Variants in ZYG11B observed in about 807,000 individuals in gnomAD.
ZYG11B encodes zyg-11 family member B, cell cycle regulator, also known as protein zyg-11 homolog B.
Under a neutral mutation model 82.4 loss-of-function variants are expected in ZYG11B, and 36 were observed. The ratio of observed to expected loss-of-function variants is 0.44; its 90% CI spans 0.33 to 0.58. The LOEUF is 0.58. ZYG11B is among the 20% of genes least tolerant of loss of function. The probability of loss-of-function intolerance (pLI) is 0.02; values close to 1 mark genes in which losing one functional copy is unlikely to be tolerated. For synonymous variants in ZYG11B, 303 were observed against 312.8 expected (o/e 0.97, Z 0.33); for missense variants, 552 against 895.6 (o/e 0.62, Z 4.90).
rs749636834 is a variant in ZYG11B, at chr1:52,802,155, T to C, written c.1695+16T>C. On this transcript the variant is annotated intron_variant, in intron 10 of 13. Coordinates refer to ENST00000294353, the MANE Select transcript of ZYG11B (RefSeq NM_024646.3). ...AGGACTTTTGGTAAGATATAAGCAC[T>C]TCCTGCTAAGTTCCAAGCTATATTT... 7.5e-6 allele frequency: 12 copies of C among 1,604,778 alleles called. No individual in the cohort carries two copies. Among genetic ancestry groups the C allele is most frequent in the Admixed American group, 1.7e-5 (1 of 58,380 alleles).
intron 10 of ZYG11B, among the ~76,000 whole-genome samples, chr1:52,802,768 T>C (rs1558139772): frequency 6.6e-6 from 1 of 151,920 alleles, no homozygotes; most frequent in Admixed American, 6.6e-5. Context: ...AAAATAAATG[T>C]TATTAAATTT....
At chr1:52,747,902 T>C (rs1424894021) in intron 1 of ZYG11B, among the ~76,000 whole-genome samples, 2 of 152,182 alleles carry the variant, frequency 1.3e-5, no homozygotes, top group African/African-American at 4.8e-5. Context: ...CTCAATGTCC[T>C]TATCTGTAGA....
chr1:52,803,247 C>CATATATATATAT (rs1645107370), intron 10 of ZYG11B, among the ~76,000 whole-genome samples: 2 of 54,266 alleles, frequency 3.7e-5, no homozygotes, highest in Non-Finnish European at 5.7e-5. Flanking sequence ...TATACACACA[C>CATATATATATAT]ACATATATAT....
chr1:52,763,508 C>T (rs1219820310), intron 2 of ZYG11B, among the ~76,000 whole-genome samples: 1 of 152,020 alleles, frequency 6.6e-6, no homozygotes, highest in Admixed American at 6.6e-5. Flanking sequence ...TTTGTAGAGA[C>T]AGGGTCTCAC....
At chr1:52,762,265 G>A (rs1307814082) in intron 2 of ZYG11B, among the ~76,000 whole-genome samples, 1 of 147,966 alleles carries the variant, frequency 6.8e-6, no homozygotes, top group Non-Finnish European at 1.5e-5. Flanking sequence ...CTGGAGTACA[G>A]TGGTGTGGTC....
chr1:52,776,233 T>TATAC lies in ZYG11B; in HGVS notation c.952-3617_952-3616insCATA, dbSNP rs1173092132. Among the ~76,000 whole-genome samples the TATAC allele has an allele frequency of 1.2e-4, 4 of 33,922 alleles. 1 individual carries two copies. In the East Asian group the frequency reaches 2.9e-3, roughly 25 times the overall value. The allele number at this position is 33,922 out of a possible 152,430, so 22.3% of individuals were successfully genotyped here. ...AAACTCTGTCTTAAAAAAAAAAATA[T>TATAC]ATATATATATATGCAATAAAGTTGG... On this transcript the variant is annotated intron_variant, in intron 3 of 13. Transcript: ENST00000294353.
chr1:52,780,706 C>A (rs1644848153), intron 4 of ZYG11B, among the ~76,000 whole-genome samples: 1 of 152,158 alleles, frequency 6.6e-6, no homozygotes, highest in Non-Finnish European at 1.5e-5. Context: ...CTCCTGGGCT[C>A]AAGCAATCCT....
intron 1 of ZYG11B, among the ~76,000 whole-genome samples, chr1:52,733,974 A>C (rs1432989829): frequency 6.6e-6 from 1 of 152,164 alleles, no homozygotes; most frequent in Non-Finnish European, 1.5e-5. Context: ...AAAAATATAC[A>C]AATTGAAATA....
chr1:52,772,275 C>A, intron 3 of ZYG11B: 1 of 1,329,866 alleles, frequency 7.5e-7, no homozygotes. Flanking sequence ...AATATTGAGC[C>A]AAACGGTGAA....
At chr1:52,766,835 C>T (rs940659107) in intron 2 of ZYG11B, among the ~76,000 whole-genome samples, 17 of 152,050 alleles carry the variant, frequency 1.1e-4, no homozygotes, top group African/African-American at 2.9e-4. Flanking sequence ...GGTGAAACCC[C>T]GTCTCTACTA....
At chr1:52,739,402 G>T (rs11205999) in intron 1 of ZYG11B, among the ~76,000 whole-genome samples, 18,626 of 152,036 alleles carry the variant, frequency 0.12, 2,585 homozygotes, top group East Asian at 0.35. Flanking sequence ...ATCTCTTAAA[G>T]AAAAGGTAGT....
chr1:52,783,847 T>C (rs1472962717), intron 4 of ZYG11B, among the ~76,000 whole-genome samples: 2 of 144,388 alleles, frequency 1.4e-5, no homozygotes, highest in Admixed American at 6.7e-5. Context: ...TATATGTACA[T>C]ACACGTGTGT....
At position 52,803,044 on chromosome 1, in the gene ZYG11B, T is replaced by A. The variant is rs528494468; in HGVS notation, c.1695+905T>A. 3.5e-4 allele frequency among the ~76,000 whole-genome samples: 49 copies of A among 141,292 alleles called. No individual in the cohort carries two copies. In the South Asian group the frequency reaches 3.6e-3, roughly 11 times the overall value. The allele number at this position is 141,292 out of a possible 152,430, so 92.7% of individuals were successfully genotyped here. On this transcript the variant is annotated intron_variant, in intron 10 of 13. Coordinates refer to ENST00000294353, the MANE Select transcript of ZYG11B (RefSeq NM_024646.3). ...CAAAAAAAACCCTACAACTTTATTT[T>A]TTTTTTATTTTTTATTTTTGCCACT...
intron 2 of ZYG11B, among the ~76,000 whole-genome samples, chr1:52,757,115 T>C (rs1644585214): frequency 6.6e-6 from 1 of 151,930 alleles, no homozygotes; most frequent in Non-Finnish European, 1.5e-5. Flanking sequence ...ACAAAACTCC[T>C]GGGCTCATGT....
chr1:52,775,706 A>G (rs1644798069), intron 3 of ZYG11B, among the ~76,000 whole-genome samples: 1 of 151,880 alleles, frequency 6.6e-6, no homozygotes, highest in Non-Finnish European at 1.5e-5. Context: ...CAAAAAAACA[A>G]CAACAAAAAG....
chr1:52,802,718 A>G (rs1007031396), intron 10 of ZYG11B, among the ~76,000 whole-genome samples: 6 of 152,108 alleles, frequency 3.9e-5, no homozygotes, highest in African/African-American at 1.4e-4. Context: ...AGAGAAAGAA[A>G]GAAAGTTGCT....
At chr1:52,770,090 A>ATTTT (rs1398657976) in intron 2 of ZYG11B, among the ~76,000 whole-genome samples, 16 of 71,096 alleles carry the variant, frequency 2.3e-4, no homozygotes, top group Non-Finnish European at 4.0e-4. Context: ...ATATATATAT[A>ATTTT]TATTTTTTTT....
chr1:52,792,990 G>A (rs1324740139), intron 6 of ZYG11B, among the ~76,000 whole-genome samples: 4 of 152,016 alleles, frequency 2.6e-5, no homozygotes, highest in Admixed American at 1.3e-4. Flanking sequence ...ACAGATGTGC[G>A]CCGCTACGCA....
rs191889052 is a variant in ZYG11B at position 52,784,463 on chromosome 1, G to T, written c.1093-414G>T. 4.4e-4 allele frequency among the ~76,000 whole-genome samples: 67 copies of T among 152,356 alleles called. 1 individual carries two copies. Among genetic ancestry groups the T allele is most frequent in the Admixed American group, 6.5e-4 (10 of 15,308 alleles). ...AAGTGAGAAATAGTTGTCTAGGCCA[G>T]GGAAAGTGAATGGATTTTATTGCAC... On this transcript the variant is annotated intron_variant, in intron 4 of 13. Transcript: ENST00000294353.
Sources: allele counts gnomAD v4.1 joint callset (sites outside exome capture counted in the v4.1 genomes callset), GRCh38; gene constraint gnomAD v4.1.1; transcripts MANE v1.5; gene names NCBI Gene and HGNC (gene_info 2026-07-23, HGNC 2026-07-21).